The following EYS variants were observed in gnomAD, a reference collection of about 807,000 sequenced individuals.
EYS encodes the protein EGF-like photoreceptor maintenance factor.
EYS carries 250 observed loss-of-function variants against 282.1 expected under a neutral mutation model. The ratio of observed to expected loss-of-function variants is 0.89; its 90% confidence interval spans 0.80 to 0.98. The LOEUF (loss-of-function observed/expected upper bound fraction) is 0.98. Ranked by LOEUF, EYS falls within the 50% of genes least tolerant of loss-of-function variation. EYS has a pLI of 0.00. For synonymous variants in EYS, 1,355 were observed against 1,282.9 expected (o/e 1.06, Z -1.20); for missense variants, 4,016 against 3,709.0 (o/e 1.08, Z -2.15).
chr6:64,453,087 A>G (rs1438438339), intron 26 of EYS, among the ~76,000 whole-genome samples: 2 of 152,222 alleles, frequency 1.3e-5, no homozygotes, highest in Non-Finnish European at 2.9e-5. Context: ...ACAGAATGGG[A>G]GAAAATTTTT....
At chr6:65,128,859 C>A (rs1775789770) in intron 12 of EYS, among the ~76,000 whole-genome samples, 1 of 151,908 alleles carries the variant, frequency 6.6e-6, no homozygotes, top group Non-Finnish European at 1.5e-5. Flanking sequence ...ATGGCCCAAG[C>A]AATCCTAAGC....
intron 28 of EYS, among the ~76,000 whole-genome samples, chr6:64,422,634 G>A (rs1186956625): frequency 6.6e-6 from 1 of 152,164 alleles, no homozygotes; most frequent in African/African-American, 2.4e-5. Context: ...TATTAGAAGA[G>A]TCTCAGAAGT....
At chr6:64,833,204 A>G (rs1469508068) in intron 19 of EYS, among the ~76,000 whole-genome samples, 2 of 151,946 alleles carry the variant, frequency 1.3e-5, no homozygotes, top group Non-Finnish European at 2.9e-5. Flanking sequence ...GTATTTCAGT[A>G]GGACTACACT....
Position 65,417,714 on chromosome 6 carries a change from T to C in EYS, c.863-12347A>G, listed in dbSNP as rs148215303. On this transcript the variant is annotated intron_variant, in intron 5 of 42. Transcript: ENST00000503581. The stretch of plus-strand genomic sequence containing the variant: ...CACACAGTGCTTTAAGCCCTTTATA[T>C]GTAATAATGCAGCAACTTTTATAAA... Among the ~76,000 whole-genome samples the C allele has an allele frequency of 5.6e-3, 853 of 152,148 alleles. 5 individuals carry two copies. The highest frequency in any genetic ancestry group is 0.017 in the Middle Eastern group (5 of 294).
intron 22 of EYS, among the ~76,000 whole-genome samples, chr6:64,796,321 T>A (rs1356630651): frequency 1.3e-5 from 2 of 152,130 alleles, no homozygotes; most frequent in Non-Finnish European, 2.9e-5. Flanking sequence ...TGAAAGGGGT[T>A]GTAGAATAAG....
chr6:65,285,185 T>G (rs1431513860), intron 12 of EYS, among the ~76,000 whole-genome samples: 1 of 152,042 alleles, frequency 6.6e-6, no homozygotes, highest in Admixed American at 6.6e-5. Flanking sequence ...GGATTGTGTT[T>G]AAATTTGTGT....
chr6:65,456,157 C>T (rs1294679419), intron 5 of EYS, among the ~76,000 whole-genome samples: 1 of 151,798 alleles, frequency 6.6e-6, no homozygotes, highest in African/African-American at 2.4e-5. Context: ...TCCCACAGTA[C>T]ACTAAAAAGA....
intron 1 of EYS, among the ~76,000 whole-genome samples, chr6:65,670,998 G>C (rs1351958560): frequency 6.6e-6 from 1 of 151,584 alleles, no homozygotes; most frequent in African/African-American, 2.4e-5. Context: ...CTTTTCAAAT[G>C]TTGTTAAACA....
chr6:63,846,107 T>A (rs886931845), intron 36 of EYS, among the ~76,000 whole-genome samples: 7 of 152,188 alleles, frequency 4.6e-5, no homozygotes, highest in African/African-American at 1.4e-4. Flanking sequence ...CTCTGAAATA[T>A]GTACTTCCTA....
chr6:64,099,655 C>A (rs1318087101), intron 31 of EYS, among the ~76,000 whole-genome samples: 5 of 152,180 alleles, frequency 3.3e-5, no homozygotes, highest in African/African-American at 9.6e-5. Context: ...AGTACTTAAG[C>A]ATGGAGGATA....
At chr6:65,093,444 C>A (rs1030387240) in intron 12 of EYS, among the ~76,000 whole-genome samples, 1 of 151,710 alleles carries the variant, frequency 6.6e-6, no homozygotes, top group Non-Finnish European at 1.5e-5. Flanking sequence ...CTAAGCATAA[C>A]CACAAAAATA....
chr6:64,821,192 G>T (rs1434825892), intron 21 of EYS, among the ~76,000 whole-genome samples: 2 of 151,924 alleles, frequency 1.3e-5, no homozygotes, highest in African/African-American at 4.8e-5. Flanking sequence ...GAATATTAAA[G>T]GTGTTGCCCA....
rs1162012048 is a variant in EYS at position 64,626,192 on chromosome 6, G to T, written c.3497C>A (p.Ser1166Tyr). ...TGCACCATGTAGACATGGTGATGAA[G>T]AGCATTCATTTATATTAATTTCACA... ...QFCEININEC[S>Y]SSPCLHGADC... The change falls in exon 23 of 43, where the codon TCT (serine) becomes TAT (tyrosine). Residue 1166 changes from serine to tyrosine, a missense_variant. Ser to Tyr is a moderately radical substitution (Grantham distance 144, BLOSUM62 -2). Coordinates refer to ENST00000503581, the MANE Select transcript of EYS (RefSeq NM_001142800.2). The T allele has an allele frequency of 6.5e-7, 1 of 1,539,786 alleles. No individual in the cohort carries two copies. Among genetic ancestry groups the T allele is most frequent in the African/African-American group, 1.4e-5 (1 of 72,460 alleles).
chr6:65,701,137 T>A (rs1387802), intron 1 of EYS, among the ~76,000 whole-genome samples: 23,650 of 152,138 alleles, frequency 0.16, 2,071 homozygotes, highest in South Asian at 0.29. Context: ...TGCCTGTACT[T>A]TTTAAATATA....
intron 31 of EYS, among the ~76,000 whole-genome samples, chr6:64,134,396 A>T (rs1277543995): frequency 2.6e-5 from 4 of 152,082 alleles, no homozygotes; most frequent in African/African-American, 9.7e-5. Context: ...AAAAAAATTA[A>T]TAATAGCAAA....
chr6:65,418,680 A>G (rs1767335313), intron 5 of EYS, among the ~76,000 whole-genome samples: 1 of 151,982 alleles, frequency 6.6e-6, no homozygotes, highest in Non-Finnish European at 1.5e-5. Flanking sequence ...TTGAACATTG[A>G]GAACACATGG....
intron 15 of EYS, among the ~76,000 whole-genome samples, chr6:64,927,724 TA>T (rs1348132908): frequency 6.6e-6 from 1 of 152,100 alleles, no homozygotes; most frequent in Non-Finnish European, 1.5e-5. Flanking sequence ...TATCCTCATA[TA>T]AGAAACAAAC....
intron 31 of EYS, among the ~76,000 whole-genome samples, chr6:64,166,091 G>A (rs1764283071): frequency 6.6e-6 from 1 of 152,182 alleles, no homozygotes; most frequent in African/African-American, 2.4e-5. Flanking sequence ...GAAGGCAAAT[G>A]TAGTGGTCAT....
chr6:63,996,504 C>T (rs886411429), intron 34 of EYS, among the ~76,000 whole-genome samples: 4 of 151,926 alleles, frequency 2.6e-5, no homozygotes. Flanking sequence ...TCATAAATCA[C>T]GTTCAGCACA....
Sources: gnomAD v4.1 joint callset for allele counts (sites outside exome capture counted in the v4.1 genomes callset) on GRCh38, gnomAD v4.1.1 for gene constraint, MANE v1.5 for transcripts, NCBI Gene and HGNC (gene_info 2026-07-23, HGNC 2026-07-21) for gene names.